The following CD226 variants were observed in gnomAD, a reference collection of about 807,000 sequenced individuals.
The protein encoded by CD226 is CD226 molecule.
CD226 carries 24 observed loss-of-function variants against 34.9 expected under a neutral mutation model. The ratio of observed to expected loss-of-function variants is 0.69; its 90% CI spans 0.50 to 0.97. The LOEUF (loss-of-function observed/expected upper bound fraction) is 0.97, where lower values mean the gene tolerates loss of function less well. Ranked by LOEUF, CD226 falls within the 50% of genes least tolerant of loss-of-function variation. CD226 has a pLI of 0.00. For missense variants in CD226, 397 were observed against 412.7 expected, an observed-to-expected ratio of 0.96 and a Z score of 0.33; for synonymous variants, 148 against 147.4, an observed-to-expected ratio of 1.00 and a Z score of -0.03.
intron 3 of CD226, among the ~76,000 whole-genome samples, chr18:69,893,585 G>A (rs986352830): frequency 2.0e-5 from 3 of 152,044 alleles, no homozygotes; most frequent in African/African-American, 7.2e-5. Context: ...TGTTTTCACT[G>A]TTTCTTTTTC....
intron 3 of CD226, among the ~76,000 whole-genome samples, chr18:69,877,088 T>A (rs1333675912): frequency 6.6e-6 from 1 of 152,046 alleles, no homozygotes; most frequent in Admixed American, 6.5e-5. Flanking sequence ...GGTCTCGAAC[T>A]CCTCACCTAA....
Position 69,863,247 on chromosome 18 carries a change from T to C in CD226, c.*1067A>G, listed in dbSNP as rs1312872765. 6.6e-6 allele frequency: 1 copy of C among 152,216 alleles called. No homozygotes were observed. The highest frequency in any genetic ancestry group is 2.4e-5 in the African/African-American group (1 of 41,452). The allele number at this position is 152,216 out of a possible 1,614,324, so 9.4% of individuals were successfully genotyped here. ...AACTGTCACTTTTAGTGGTATATTA[T>C]ATTCAACTTTCACATAATCATTAAA... On this transcript the variant is annotated 3_prime_UTR_variant, in exon 6 of 6. Transcript: ENST00000582621.
At chr18:69,867,495 C>T in intron 4 of CD226, 84 bp from the exon 5 acceptor site, 2 of 854,386 alleles carry the variant, frequency 2.3e-6, no homozygotes, top group Non-Finnish European at 3.9e-6. Context: ...CTCACTGTAC[C>T]CCTAGCCCAC....
upstream of CD226, among the ~76,000 whole-genome samples, chr18:69,949,424 C>A (rs977643412): frequency 3.3e-5 from 5 of 152,150 alleles, no homozygotes; most frequent in Non-Finnish European, 7.3e-5. Flanking sequence ...CCTATTATGT[C>A]CTAATGACAA....
At chr18:69,939,850 G>T (rs1287708012) in intron 2 of CD226, among the ~76,000 whole-genome samples, 1 of 152,120 alleles carries the variant, frequency 6.6e-6, no homozygotes, top group African/African-American at 2.4e-5. Flanking sequence ...CAGATGACCT[G>T]GGCTTCACCT....
intron 1 of CD226, among the ~76,000 whole-genome samples, chr18:69,953,999 CAAAAAAAA>C (rs933349209): frequency 2.7e-5 from 2 of 73,724 alleles, no homozygotes; most frequent in African/African-American, 5.1e-5. Flanking sequence ...GACTCCGTTT[CAAAAAAAA>C]AAAAAAAAAG....
At chr18:69,929,617 T>G (rs2055565114) in intron 2 of CD226, among the ~76,000 whole-genome samples, 1 of 152,126 alleles carries the variant, frequency 6.6e-6, no homozygotes, top group African/African-American at 2.4e-5. Flanking sequence ...CGTACACCCA[T>G]GACTTTACCA....
upstream of CD226, among the ~76,000 whole-genome samples, chr18:69,951,141 T>C (rs1192240944): frequency 6.6e-6 from 1 of 150,874 alleles, no homozygotes; most frequent in Non-Finnish European, 1.5e-5. Flanking sequence ...TTTTTTAAAA[T>C]TATTTTTTTT....
chr18:69,920,484 CTT>C (rs1340786442), intron 2 of CD226, among the ~76,000 whole-genome samples: 1 of 152,150 alleles, frequency 6.6e-6, no homozygotes, highest in African/African-American at 2.4e-5. Context: ...TATAAGAAAA[CTT>C]GACACTTCTC....
At chr18:69,954,959 T>TC (rs1301612116) in intron 1 of CD226, among the ~76,000 whole-genome samples, 2 of 152,182 alleles carry the variant, frequency 1.3e-5, no homozygotes, top group Non-Finnish European at 2.9e-5. Context: ...AGGTTTTTTT[T>TC]CTAATAGAGC....
intron 3 of CD226, among the ~76,000 whole-genome samples, chr18:69,887,329 A>G (rs1984618066): frequency 6.6e-6 from 1 of 152,146 alleles, no homozygotes; most frequent in African/African-American, 2.4e-5. Context: ...ACATACACAC[A>G]CACACACACA....
intron 2 of CD226, among the ~76,000 whole-genome samples, chr18:69,930,088 T>C (rs1301877572): frequency 6.6e-6 from 1 of 152,186 alleles, no homozygotes; most frequent in Non-Finnish European, 1.5e-5. Context: ...GGGTATTTGA[T>C]ACATCATTCC....
rs150020755 is a variant in CD226 at position 69,902,796 on chromosome 18, C to A, written c.383-6751G>T. ...CTAAAAATTAAACAGCCCAGCATTG[C>A]CCTAAGCCATCTGCAGGAGCACTAT... On this transcript the variant is annotated intron_variant, in intron 2 of 5. Coordinates refer to ENST00000582621, the MANE Select transcript of CD226 (RefSeq NM_001303618.2). Among the ~76,000 whole-genome samples, 1,048 of 152,084 alleles carry A rather than the reference C, an allele frequency of 6.9e-3. 11 individuals are homozygous for A. Among genetic ancestry groups the A allele is most frequent in the African/African-American group, 0.024 (1,005 of 41,500 alleles).
At chr18:69,939,748 G>A (rs757995265) in intron 2 of CD226, among the ~76,000 whole-genome samples, 1 of 152,120 alleles carries the variant, frequency 6.6e-6, no homozygotes, top group Non-Finnish European at 1.5e-5. Flanking sequence ...CATTTAAATT[G>A]GTGAATTTTG....
Position 69,864,232 on chromosome 18 carries a change from T to C in CD226, c.*82A>G. 3 of 1,305,678 alleles carry C rather than the reference T, an allele frequency of 2.3e-6. No homozygotes were observed. Among genetic ancestry groups the C allele is most frequent in the South Asian group, 1.3e-5 (1 of 76,800 alleles). 80.9% of individuals were successfully genotyped at this position (1,305,678 alleles called of 1,614,324 possible). On this transcript the variant is annotated 3_prime_UTR_variant, in exon 6 of 6. Transcript: ENST00000582621. ...GACAACTAGTATCTAAGGTAGACCT[T>C]GGGTAGTGGAAAAAAATTGCATAAA...
intron 2 of CD226, among the ~76,000 whole-genome samples, chr18:69,944,172 A>C (rs961005151): frequency 3.9e-5 from 6 of 152,074 alleles, no homozygotes; most frequent in Non-Finnish European, 8.8e-5. Context: ...AAGCTCTCAA[A>C]CTCTCAAAAT....
At chr18:69,894,928 G>A (rs550182977) in intron 3 of CD226, among the ~76,000 whole-genome samples, 1 of 151,956 alleles carries the variant, frequency 6.6e-6, no homozygotes, top group South Asian at 2.1e-4. Context: ...GCTTCATTGT[G>A]ACAAAAAAAA....
At chr18:69,943,406 C>T (rs769226083) in intron 2 of CD226, among the ~76,000 whole-genome samples, 1 of 152,224 alleles carries the variant, frequency 6.6e-6, no homozygotes, top group Non-Finnish European at 1.5e-5. Flanking sequence ...TATTTTCTCA[C>T]AAACTAGGTA....
intron 2 of CD226, among the ~76,000 whole-genome samples, chr18:69,924,730 G>A (rs17228848): frequency 0.019 from 2,074 of 111,808 alleles, 32 homozygotes; most frequent in Non-Finnish European, 0.03. Flanking sequence ...TCAAACTGGG[G>A]AGAACTGCAA....
Sources: allele counts gnomAD v4.1 joint callset (sites outside exome capture counted in the v4.1 genomes callset), GRCh38; gene constraint gnomAD v4.1.1; transcripts MANE v1.5; gene names NCBI Gene and HGNC (gene_info 2026-07-23, HGNC 2026-07-21).